The following MSLN variants were observed in gnomAD, a reference collection of about 807,000 sequenced individuals.
MSLN encodes the protein CAK1 antigen.
A neutral mutation model predicts 72.6 loss-of-function variants in MSLN; 82 were observed. That is an observed-to-expected ratio of 1.13 (90% CI 0.94 to 1.36). The LOEUF is 1.36. Ranked by LOEUF, MSLN falls within the 40% of genes most tolerant of loss-of-function variation. The pLI is 0.00. For missense variants in MSLN, 1,005 were observed against 847.9 expected (o/e 1.19, Z -2.30); for synonymous variants, 456 against 387.3 (o/e 1.18, Z -2.08).
rs997712813 is a variant in MSLN at position 764,258 on chromosome 16, C to T, written c.300+115C>T. The T allele has an allele frequency of 7.6e-5, 105 of 1,390,616 alleles. 3 individuals carry two copies. In the South Asian group the frequency reaches 1.3e-3, roughly 17 times the overall value. 86.1% of individuals were successfully genotyped at this position (1,390,616 alleles called of 1,614,324 possible). A position where few individuals can be genotyped will look rare whatever the true frequency, so the allele number is the denominator to read the frequency against. On this transcript the variant is annotated intron_variant, in intron 6 of 17. Transcript: ENST00000545450. ...CCCCTCTGTCCCTGCTGCCATCTCTCCCCGGCCAGTTCTTCCCAGAGTTCC... is the reference window on the plus strand; with the variant it reads ...CCCCTCTGTCCCTGCTGCCATCTCTTCCCGGCCAGTTCTTCCCAGAGTTCC...
At position 765,613 on chromosome 16, in the gene MSLN, C is replaced by G; in HGVS notation, c.791C>G (p.Pro264Arg). 1.2e-6 allele frequency: 2 copies of G among 1,603,090 alleles called. No homozygotes were observed. The highest frequency in any genetic ancestry group is 1.7e-6 in the Non-Finnish European group (2 of 1,178,676). The change falls in exon 10 of 18, where the codon CCG becomes CGG. Residue 264 changes from proline (P) to arginine (R), a missense_variant. Transcript: ENST00000545450. ...GGCCAGCCCATCATCCGCAGCATCC[C>G]GCAGGTGAGACCCCAATCCCCAGCC... is the stretch of plus-strand genomic sequence containing the variant. Reference protein sequence around the residue: ...VLGQPIIRSIPQGIVAAWRQR... With the variant: ...VLGQPIIRSIRQGIVAAWRQR...
intron 16 of MSLN, 50 bp downstream of exon 16, chr16:767,520 G>T: frequency 7.3e-7 from 1 of 1,367,110 alleles, no homozygotes; most frequent in Non-Finnish European, 9.7e-7. Flanking sequence ...CGTGGAGGAG[G>T]GGCGAGTGGG....
chr16:765,327 C>G (rs777673844), intron 9 of MSLN, 24 bp downstream of exon 9: 9 of 1,535,720 alleles, frequency 5.9e-6, no homozygotes, highest in Admixed American at 1.9e-5. Flanking sequence ...TCTGGAACCT[C>G]GAAGGCTCAC....
intron 2 of MSLN, among the ~76,000 whole-genome samples, chr16:762,268 G>A (rs2041545187): frequency 6.6e-6 from 1 of 152,240 alleles, no homozygotes; most frequent in Non-Finnish European, 1.5e-5. Flanking sequence ...GGGCAGGGGA[G>A]AGGGAAGGGA....
chr16:767,134 C>A (rs868780919), intron 15 of MSLN, 122 bp downstream of exon 15: 14 of 1,477,470 alleles, frequency 9.5e-6, no homozygotes, highest in Non-Finnish European at 1.0e-5. Flanking sequence ...GGTGGTCACC[C>A]GCCCTCTGCC....
chr16:761,763 C>T (rs1022990936), intron 2 of MSLN, among the ~76,000 whole-genome samples: 13 of 152,206 alleles, frequency 8.5e-5, no homozygotes, highest in South Asian at 2.1e-4. Flanking sequence ...CCCCAGTGGC[C>T]GGGCCGACCA....
intron 6 of MSLN, 50 bp from the exon 7 acceptor site, chr16:764,597 A>T (rs765266716): frequency 1.3e-6 from 2 of 1,504,870 alleles, no homozygotes; most frequent in Non-Finnish European, 1.8e-6. Context: ...CTGGCCCACC[A>T]TGTGAGTGGC....
rs1342151917 is a variant in MSLN at position 767,020 on chromosome 16, A to G, written c.1501+8A>G. ...AGATCCAGTCCTTCCTGGGTGAGCC[A>G]GGGAGTCCCTGGCCAGGGTGGGCAA... On this transcript the variant is annotated splice_region_variant and intron_variant, in intron 15 of 17. Transcript: ENST00000545450. The G allele has an allele frequency of 2.1e-5, 20 of 957,912 alleles. No individual in the cohort carries two copies. The highest frequency in any genetic ancestry group is 2.8e-5 in the Non-Finnish European group (20 of 723,230). The allele number at this position is 957,912 out of a possible 1,614,324, so 59.3% of individuals were successfully genotyped here. A position where few individuals can be genotyped will look rare whatever the true frequency, so the allele number is the denominator to read the frequency against.
chr16:768,267 C>A, intron 16 of MSLN, 112 bp from the exon 17 acceptor site: 1 of 1,120,090 alleles, frequency 8.9e-7, no homozygotes, highest in Non-Finnish European at 1.2e-6. Context: ...TCTGGAGAGG[C>A]TGCGGTGGGC....
intron 2 of MSLN, among the ~76,000 whole-genome samples, chr16:761,938 C>G (rs115277703): frequency 0.01 from 1,572 of 152,346 alleles, 36 homozygotes; most frequent in African/African-American, 0.036. Flanking sequence ...AGCCAGTTCC[C>G]TCTTCTGCGA....
chr16:766,360 C>A lies in MSLN; in HGVS notation c.1100C>A (p.Ser367Tyr), dbSNP rs2041608681. Residue 367 changes from serine (S) to tyrosine (Y), a missense_variant, in exon 13 of 18, where the codon TCT becomes TAT. Ser to Tyr is a moderately radical substitution (Grantham distance 144, BLOSUM62 -2). Transcript: ENST00000545450. ...CTCTACCCACAAGGTTACCCCGAGT[C>A]TGTGATCCAGCACCTGGGCTACCTC... ...DELYPQGYPE[S>Y]VIQHLGYLFL... 6.2e-7 allele frequency: 1 copy of A among 1,612,636 alleles called. No individual in the cohort carries two copies. The highest frequency in any genetic ancestry group is 1.3e-5 in the African/African-American group (1 of 74,948).
At chr16:766,645 C>T (rs753307516) in intron 13 of MSLN, 23 bp from the exon 14 acceptor site, 2 of 1,612,106 alleles carry the variant, frequency 1.2e-6, no homozygotes, top group Non-Finnish European at 1.7e-6. Flanking sequence ...TGCCACAAGG[C>T]TCCTCGGCGG....
chr16:768,133 G>A (rs2041664314), intron 16 of MSLN, among the ~76,000 whole-genome samples: 1 of 148,836 alleles, frequency 6.7e-6, no homozygotes. Flanking sequence ...ACGGGGGGTG[G>A]GAGGGCGTGT....
At chr16:764,866 T>C (rs1462119755) in intron 7 of MSLN, 41 bp from the exon 8 acceptor site, 2 of 1,603,306 alleles carry the variant, frequency 1.2e-6, no homozygotes, top group Non-Finnish European at 1.7e-6. Context: ...TGGGGACGGG[T>C]GTGATCAGTG....
At chr16:765,389 C>T (rs905567418) in intron 9 of MSLN, 86 bp downstream of exon 9, 48 of 1,433,014 alleles carry the variant, frequency 3.3e-5, no homozygotes, top group East Asian at 5.0e-5. Context: ...TGCCTCAAGG[C>T]CCAGGGTCAG....
chr16:765,641 T>C (rs2041596984), intron 10 of MSLN, 24 bp downstream of exon 10: 1 of 1,598,562 alleles, frequency 6.3e-7, no homozygotes, highest in South Asian at 1.1e-5. Flanking sequence ...CCCCAGCCCG[T>C]GGGGATGCCC....
chr16:764,249 G>T, intron 6 of MSLN, 106 bp downstream of exon 6: 1 of 1,422,704 alleles, frequency 7.0e-7, no homozygotes, highest in Non-Finnish European at 9.4e-7. Context: ...TGTCCCTGCT[G>T]CCATCTCTCC....
intron 6 of MSLN, among the ~76,000 whole-genome samples, 171 bp from the exon 7 acceptor site, chr16:764,476 C>T (rs548961325): frequency 2.6e-5 from 4 of 152,170 alleles, no homozygotes; most frequent in African/African-American, 4.8e-5. Context: ...GAGCCAGGCA[C>T]GGGAGCCCCC....
At chr16:764,844 T>G in intron 7 of MSLN, 63 bp from the exon 8 acceptor site, 2 of 1,596,028 alleles carry the variant, frequency 1.3e-6, no homozygotes, top group Non-Finnish European at 1.7e-6. Flanking sequence ...CCGGCCGGGC[T>G]GCCTCTCAGG....
Sources: allele counts gnomAD v4.1 joint callset (sites outside exome capture counted in the v4.1 genomes callset), GRCh38; gene constraint gnomAD v4.1.1; transcripts MANE v1.5; gene names NCBI Gene and HGNC (gene_info 2026-07-23, HGNC 2026-07-21).